CDS2: variants seen among roughly 807,000 people sequenced by gnomAD.
CDS2 encodes the protein CDP-diacylglycerol synthase 2.
CDS2 carries 47 observed loss-of-function variants against 59.0 expected under a neutral mutation model. That is an observed-to-expected ratio of 0.80 (90% CI 0.63 to 1.02). The LOEUF is 1.02. CDS2 is among the 50% of genes least tolerant of loss of function. The pLI is 0.00. For synonymous variants in CDS2, 207 were observed against 206.4 expected (o/e 1.00, Z -0.02); for missense variants, 356 against 558.9 (o/e 0.64, Z 3.66).
In CDS2 at chr20:5,190,224, A is replaced by T; in HGVS notation, c.1328A>T (p.Glu443Val). 6.2e-7 allele frequency: 1 copy of T among 1,613,810 alleles called. No homozygotes were observed. The highest frequency in any genetic ancestry group is 8.5e-7 in the Non-Finnish European group (1 of 1,179,832). ...AAAGGGATGCTGACATCCACCACAG[A>T]GGACGAGTAGGGGCCACCCAGGGCC... ...IDKGMLTSTTEDE is the reference protein window; with the variant it reads ...IDKGMLTSTTVDE The change falls in exon 13 of 13, where the codon GAG becomes GTG. Residue 443 changes from glutamate to valine, a missense_variant. Around this residue, in one of 5 missense-constraint regions of CDS2, gnomAD observed 33 missense variants for 27.9 expected, o/e 1.18. Coordinates refer to ENST00000460006, the MANE Select transcript of CDS2 (RefSeq NM_003818.4).
intron 1 of CDS2, among the ~76,000 whole-genome samples, chr20:5,140,390 T>C (rs1280843932): frequency 1.3e-5 from 2 of 152,230 alleles, no homozygotes; most frequent in African/African-American, 4.8e-5. Context: ...TGAATGCCTG[T>C]CTTTGTGATC....
intron 6 of CDS2, 144 bp from the exon 7 acceptor site, chr20:5,182,917 C>A (rs1019427787): frequency 9.0e-6 from 6 of 667,488 alleles, no homozygotes; most frequent in Non-Finnish European, 1.6e-5. Flanking sequence ...CCTGATCTTA[C>A]CTGTTCACTT....
chr20:5,155,038 T>G (rs1036462777), intron 1 of CDS2, among the ~76,000 whole-genome samples: 1 of 152,250 alleles, frequency 6.6e-6, no homozygotes, highest in African/African-American at 2.4e-5. Flanking sequence ...TAGGGCAAGA[T>G]TGAACCGCTT....
intron 1 of CDS2, among the ~76,000 whole-genome samples, chr20:5,136,508 G>A (rs985080636): frequency 7.9e-4 from 120 of 152,108 alleles, no homozygotes; most frequent in Admixed American, 6.6e-5. Context: ...TCCTAAATCC[G>A]AATTCCTTAC....
intron 1 of CDS2, among the ~76,000 whole-genome samples, chr20:5,130,864 G>T (rs979541168): frequency 6.6e-6 from 1 of 151,692 alleles, no homozygotes; most frequent in African/African-American, 2.4e-5. Context: ...GGACGAGGCG[G>T]GTGGATCACG....
At chr20:5,189,289 G>A (rs1281204204) in intron 11 of CDS2, 103 bp downstream of exon 11, 9 of 1,318,494 alleles carry the variant, frequency 6.8e-6, no homozygotes, top group Non-Finnish European at 9.7e-6. Context: ...GTACACCCTG[G>A]CATTTAATGT....
At chr20:5,171,450 T>G (rs2090955530) in intron 1 of CDS2, among the ~76,000 whole-genome samples, 1 of 152,204 alleles carries the variant, frequency 6.6e-6, no homozygotes, top group Non-Finnish European at 1.5e-5. Context: ...GGTGCTAGCA[T>G]TTTGAAGCCC....
At chr20:5,149,011 T>C (rs2122988382) in intron 1 of CDS2, among the ~76,000 whole-genome samples, 1 of 152,262 alleles carries the variant, frequency 6.6e-6, no homozygotes, top group Middle Eastern at 3.4e-3. Context: ...TTTCTTTTTC[T>C]TTTCTTTTTT....
chr20:5,187,533 G>A (rs1225200671), intron 10 of CDS2: 1 of 152,038 alleles, frequency 6.6e-6, no homozygotes, highest in East Asian at 1.9e-4. Flanking sequence ...TTCAGACTTG[G>A]GTATTTGGCA....
chr20:5,161,524 G>C lies in CDS2; in HGVS notation c.58-11999G>C, dbSNP rs187546735. Among the ~76,000 whole-genome samples the C allele has an allele frequency of 2.2e-3, 341 of 152,344 alleles. 4 individuals carry two copies. Among genetic ancestry groups the C allele is most frequent in the Middle Eastern group, 3.4e-3 (1 of 292 alleles). ...TCAATTGATAACTGACACATACATTGAGAGGCAATCCATTGATAACTGACA... is the reference window on the plus strand; with the variant it reads ...TCAATTGATAACTGACACATACATTCAGAGGCAATCCATTGATAACTGACA... On this transcript the variant is annotated intron_variant, in intron 1 of 12. Transcript: ENST00000460006.
intron 1 of CDS2, among the ~76,000 whole-genome samples, chr20:5,153,973 C>CA (rs1318787421): frequency 6.6e-6 from 1 of 152,142 alleles, no homozygotes; most frequent in Non-Finnish European, 1.5e-5. Context: ...GCAGGTATGA[C>CA]AAATGATGAC....
chr20:5,188,212 A>G (rs1006204097), intron 10 of CDS2, among the ~76,000 whole-genome samples: 17 of 152,214 alleles, frequency 1.1e-4, no homozygotes, highest in African/African-American at 4.1e-4. Flanking sequence ...ATAGTCATGC[A>G]TGGGTAAAAG....
At chr20:5,129,071 G>T (rs918478464) in intron 1 of CDS2, among the ~76,000 whole-genome samples, 4 of 152,136 alleles carry the variant, frequency 2.6e-5, no homozygotes, top group African/African-American at 9.7e-5. Flanking sequence ...CTGAGGAGCT[G>T]TCCAGCTAGA....
At chr20:5,159,033 C>T (rs946676021) in intron 1 of CDS2, among the ~76,000 whole-genome samples, 4 of 152,006 alleles carry the variant, frequency 2.6e-5, no homozygotes, top group Non-Finnish European at 5.9e-5. Context: ...GAAGGATAAG[C>T]GAGCCGCTTT....
chr20:5,159,295 T>C lies in CDS2; in HGVS notation c.58-14228T>C, dbSNP rs180734793. On this transcript the variant is annotated intron_variant, in intron 1 of 12. Coordinates refer to ENST00000460006, the MANE Select transcript of CDS2 (RefSeq NM_003818.4). ...GCACCCATTAACTCGTCATTTACATTAGGTATTTCTCCTAATGCTTTCCCT... is the reference window on the plus strand; with the variant it reads ...GCACCCATTAACTCGTCATTTACATCAGGTATTTCTCCTAATGCTTTCCCT... 6.7e-3 allele frequency among the ~76,000 whole-genome samples: 1,003 copies of C among 150,046 alleles called. 19 individuals carry two copies. The highest frequency in any genetic ancestry group is 0.024 in the African/African-American group (966 of 40,772).
rs2091103602 is a variant in CDS2, at chr20:5,190,254, G to A, written c.*20G>A. ...GAGTAGGGGCCACCCAGGGCCAGGA[G>A]AACAGGAACAGAACTGAGCAGGGGC... is the stretch of plus-strand genomic sequence containing the variant. On this transcript the variant is annotated 3_prime_UTR_variant, in exon 13 of 13. Coordinates refer to ENST00000460006, the MANE Select transcript of CDS2 (RefSeq NM_003818.4). The A allele has an allele frequency of 1.9e-6, 3 of 1,609,272 alleles. No homozygotes were observed. The highest frequency in any genetic ancestry group is 4.5e-5 in the East Asian group (2 of 44,702).
intron 6 of CDS2, 72 bp from the exon 7 acceptor site, chr20:5,182,989 G>T: frequency 8.3e-7 from 1 of 1,211,254 alleles, no homozygotes. Context: ...TTTTCTATTT[G>T]GTATTGATTG....
At chr20:5,147,653 C>T (rs12625930) in intron 1 of CDS2, among the ~76,000 whole-genome samples, 20,502 of 152,148 alleles carry the variant, frequency 0.13, 1,679 homozygotes, top group Middle Eastern at 0.24. Flanking sequence ...ATCTACCCTC[C>T]ATAACCTACC....
intron 1 of CDS2, among the ~76,000 whole-genome samples, chr20:5,149,363 A>C: frequency 6.6e-6 from 1 of 152,112 alleles, no homozygotes; most frequent in East Asian, 1.9e-4. Flanking sequence ...ATTGACTTGT[A>C]AGGTTTTTAA....
Sources: allele counts gnomAD v4.1 joint callset (sites outside exome capture counted in the v4.1 genomes callset), GRCh38; gene constraint gnomAD v4.1.1; regional missense constraint gnomAD v4.1.1; transcripts MANE v1.5; gene names NCBI Gene and HGNC (gene_info 2026-07-23, HGNC 2026-07-21).